ATP2C2: variants seen among roughly 807,000 people sequenced by gnomAD.
The protein encoded by ATP2C2 is calcium-transporting ATPase type 2C member 2.
In ATP2C2, 171 loss-of-function variants were observed where a neutral mutation model predicts 110.8. That is an observed-to-expected ratio of 1.54 (90% CI 1.36 to 1.75). The LOEUF is 1.75. ATP2C2 is among the 40% of genes most tolerant of loss of function. The probability of loss-of-function intolerance (pLI) is 0.00; values close to 1 mark genes in which losing one functional copy is unlikely to be tolerated. For missense variants in ATP2C2, 1,963 were observed against 1,235.0 expected, an observed-to-expected ratio of 1.59 and a Z score of -8.84; for synonymous variants, 804 against 508.4, an observed-to-expected ratio of 1.58 and a Z score of -7.82.
At chr16:84,460,347 T>TGGA (rs1555508286) in intron 23 of ATP2C2, 6 of 388,688 alleles carry the variant, frequency 1.5e-5, no homozygotes, top group Non-Finnish European at 2.8e-5. Context: ...GGCGCAACGT[T>TGGA]GGGGGGGGTC....
intron 24 of ATP2C2, chr16:84,461,427 G>T: frequency 1.8e-6 from 1 of 545,650 alleles, no homozygotes; most frequent in Middle Eastern, 4.9e-4. Context: ...AACTGGAGTG[G>T]CATCACCTCC....
chr16:84,436,137 C>G (rs201604060), intron 11 of ATP2C2, among the ~76,000 whole-genome samples: 1 of 152,192 alleles, frequency 6.6e-6, no homozygotes, highest in Non-Finnish European at 1.5e-5. Context: ...TCAAACAAAC[C>G]CAGCCACCCT....
intron 2 of ATP2C2, chr16:84,404,603 A>G (rs2150518551): frequency 3.9e-6 from 1 of 253,820 alleles, no homozygotes; most frequent in East Asian, 1.0e-4. Flanking sequence ...CATCCCTTGA[A>G]AGATTGGTGG....
At chr16:84,454,702 C>T (rs562027898) in intron 20 of ATP2C2, 116 bp from the exon 21 acceptor site, 8 of 1,126,306 alleles carry the variant, frequency 7.1e-6, no homozygotes, top group Non-Finnish European at 8.4e-6. Flanking sequence ...AGCTGGGATT[C>T]GAATTCCGGG....
rs75558670 is a variant in ATP2C2, at chr16:84,435,302, C to G, written c.987-3864C>G. ...GTGTTTATTCTTTTCTGAGCTCTGC[C>G]CAAAATAATGGTGCCCTTCACAATC... is the stretch of plus-strand genomic sequence containing the variant. On this transcript the variant is annotated intron_variant, in intron 11 of 26. Coordinates refer to ENST00000262429, the MANE Select transcript of ATP2C2 (RefSeq NM_014861.4). 9.2e-4 allele frequency among the ~76,000 whole-genome samples: 140 copies of G among 152,176 alleles called. 1 individual carries two copies. The highest frequency in any genetic ancestry group is 1.6e-3 in the Non-Finnish European group (109 of 68,014).
At chr16:84,430,942 G>A (rs1246658199) in intron 11 of ATP2C2, among the ~76,000 whole-genome samples, 5 of 152,054 alleles carry the variant, frequency 3.3e-5, no homozygotes, top group African/African-American at 1.2e-4. Context: ...TCTGCTGCCA[G>A]CCACTGCCCC....
chr16:84,441,763 A>T (rs1301236784), intron 14 of ATP2C2, among the ~76,000 whole-genome samples: 1 of 152,272 alleles, frequency 6.6e-6, no homozygotes, highest in East Asian at 1.9e-4. Flanking sequence ...TCTACTAAAA[A>T]ATATAAAAAT....
intron 16 of ATP2C2, 88 bp downstream of exon 16, chr16:84,446,518 T>G: frequency 1.1e-6 from 1 of 925,722 alleles, no homozygotes; most frequent in East Asian, 2.7e-5. Context: ...CAAGGATAAT[T>G]TGAAAGTTCC....
chr16:84,461,132 A>C (rs756436757), intron 24 of ATP2C2: 1 of 332,090 alleles, frequency 3.0e-6, no homozygotes, highest in East Asian at 6.3e-5. Context: ...TCTGCTAAAT[A>C]TCCTCCTGTG....
At chr16:84,394,301 C>A (rs1025563597) in intron 1 of ATP2C2, among the ~76,000 whole-genome samples, 1 of 152,146 alleles carries the variant, frequency 6.6e-6, no homozygotes, top group Non-Finnish European at 1.5e-5. Context: ...GTGACCACCA[C>A]TTCTATTCAG....
At chr16:84,432,937 C>G (rs1457361692) in intron 11 of ATP2C2, among the ~76,000 whole-genome samples, 1 of 152,172 alleles carries the variant, frequency 6.6e-6, no homozygotes. Flanking sequence ...CCAGCAAGAA[C>G]AGGACCAGGA....
rs1341111602 is a variant in ATP2C2, at chr16:84,454,941, G to A, written c.2104G>A (p.Ala702Thr). The A allele has an allele frequency of 1.9e-6, 3 of 1,613,710 alleles. No homozygotes were observed. Among genetic ancestry groups the A allele is most frequent in the East Asian group, 2.2e-5 (1 of 44,868 alleles). ...GQTGTDVSKE[A>T]ANMILVDDDF... Reference sequence around the variant, plus strand: ...GACAGGGACGGACGTCAGCAAAGAGGCCGCCAACATGATCCTGGTGGATGA... The same window carrying A: ...GACAGGGACGGACGTCAGCAAAGAGACCGCCAACATGATCCTGGTGGATGA... The change falls in exon 21 of 27, where the codon GCC becomes ACC. Residue 702 changes from alanine to threonine, a missense_variant. Transcript: ENST00000262429.
At chr16:84,409,483 C>G (rs1016637625) in intron 4 of ATP2C2, among the ~76,000 whole-genome samples, 4 of 152,070 alleles carry the variant, frequency 2.6e-5, no homozygotes, top group African/African-American at 7.2e-5. Context: ...AATACATGAC[C>G]TTTTGTATCT....
At chr16:84,379,073 T>C (rs550334939) in intron 1 of ATP2C2, among the ~76,000 whole-genome samples, 1 of 152,158 alleles carries the variant, frequency 6.6e-6, no homozygotes. Flanking sequence ...GATCATCCCA[T>C]CACCCAGGAA....
At chr16:84,425,248 G>C (rs1907707102) in intron 10 of ATP2C2, among the ~76,000 whole-genome samples, 1 of 152,166 alleles carries the variant, frequency 6.6e-6, no homozygotes, top group African/African-American at 2.4e-5. Context: ...CGTACACCTA[G>C]TGCAGTAACT....
chr16:84,415,157 C>T (rs530559458), intron 6 of ATP2C2, among the ~76,000 whole-genome samples: 2 of 152,212 alleles, frequency 1.3e-5, no homozygotes, highest in East Asian at 3.9e-4. Flanking sequence ...GAGGACAAAA[C>T]TCTGCCGGCT....
In ATP2C2 at chr16:84,422,424, C is replaced by T. The variant is rs371870750; in HGVS notation, c.659C>T (p.Thr220Ile). ...CTCTTGGTGGATGAATCCAGTTTCA[C>T]CGGGGAAGCCGAGCCATGTAGTAAA... ...TDLLVDESSF[T>I]GEAEPCSKTD... The change falls in exon 8 of 27, where the codon ACC (threonine) becomes ATC (isoleucine). Residue 220 changes from threonine to isoleucine, a missense_variant. By Grantham distance (89) the Thr-to-Ile change is moderately conservative. Coordinates refer to ENST00000262429, the MANE Select transcript of ATP2C2 (RefSeq NM_014861.4). 6 of 1,614,126 alleles carry T rather than the reference C, an allele frequency of 3.7e-6. No individual in the cohort carries two copies. Among genetic ancestry groups the T allele is most frequent in the African/African-American group, 1.3e-5 (1 of 75,030 alleles).
At chr16:84,368,752 A>T (rs1324948447) in intron 1 of ATP2C2, 38 bp downstream of exon 1, 8 of 1,446,174 alleles carry the variant, frequency 5.5e-6, no homozygotes, top group Non-Finnish European at 7.4e-6. Context: ...GTGCGACCCG[A>T]CCCCCCATCC....
At chr16:84,394,281 A>G (rs2151412220) in intron 1 of ATP2C2, among the ~76,000 whole-genome samples, 1 of 152,238 alleles carries the variant, frequency 6.6e-6, no homozygotes, top group Admixed American at 6.5e-5. Context: ...TAGTACACTC[A>G]CAATGTCGTG....
Sources: allele counts gnomAD v4.1 joint callset (sites outside exome capture counted in the v4.1 genomes callset), GRCh38; gene constraint gnomAD v4.1.1; transcripts MANE v1.5; gene names NCBI Gene and HGNC (gene_info 2026-07-23, HGNC 2026-07-21).